Variants in ZNF236 observed in about 807,000 individuals in gnomAD.
The protein encoded by ZNF236 is regulated by glucose.
In ZNF236, 50 loss-of-function variants were observed where a neutral mutation model predicts 191.2. The ratio of observed to expected loss-of-function variants is 0.26; its 90% CI spans 0.21 to 0.33. The LOEUF is 0.33. Ranked by LOEUF, ZNF236 falls within the 10% of genes least tolerant of loss-of-function variation. The probability of loss-of-function intolerance (pLI) is 1.00; values close to 1 mark genes in which losing one functional copy is unlikely to be tolerated. For synonymous variants in ZNF236, 907 were observed against 928.8 expected, an observed-to-expected ratio of 0.98 and a Z score of 0.43; for missense variants, 1,754 against 2,374.5, an observed-to-expected ratio of 0.74 and a Z score of 5.43.
intron 1 of ZNF236, among the ~76,000 whole-genome samples, chr18:76,844,451 G>A (rs1975617793): frequency 1.3e-5 from 2 of 152,118 alleles, no homozygotes; most frequent in Admixed American, 1.3e-4. Context: ...GGTTCTGAGG[G>A]TGGTGCACAC....
At chr18:76,879,324 A>G (rs1336910570) in intron 7 of ZNF236, among the ~76,000 whole-genome samples, 3 of 152,234 alleles carry the variant, frequency 2.0e-5, no homozygotes, top group Non-Finnish European at 4.4e-5. Flanking sequence ...TTGGGCAGAA[A>G]GTACAGAGAG....
intron 3 of ZNF236, among the ~76,000 whole-genome samples, chr18:76,865,917 T>A (rs1248514271): frequency 1.3e-5 from 2 of 152,252 alleles, no homozygotes; most frequent in Non-Finnish European, 2.9e-5. Flanking sequence ...TTTTAAGTTT[T>A]ACTTTCAGAA....
chr18:76,877,394 G>T (rs894726008), intron 6 of ZNF236, among the ~76,000 whole-genome samples: 1 of 152,022 alleles, frequency 6.6e-6, no homozygotes, highest in Non-Finnish European at 1.5e-5. Flanking sequence ...TGTAATCCCA[G>T]CTACTTGGGA....
chr18:76,827,898 C>T (rs1243581707), intron 1 of ZNF236, among the ~76,000 whole-genome samples: 1 of 152,064 alleles, frequency 6.6e-6, no homozygotes, highest in East Asian at 1.9e-4. Flanking sequence ...TGTATGATTT[C>T]CATCTGTTTT....
At chr18:76,932,694 C>T (rs981532396) in intron 25 of ZNF236, among the ~76,000 whole-genome samples, 2 of 152,194 alleles carry the variant, frequency 1.3e-5, no homozygotes, top group African/African-American at 4.8e-5. Flanking sequence ...CCTGGAAACT[C>T]TGCTGAACAT....
At chr18:76,957,857 T>C (rs1968558153) in intron 28 of ZNF236, among the ~76,000 whole-genome samples, 1 of 152,240 alleles carries the variant, frequency 6.6e-6, no homozygotes, top group Non-Finnish European at 1.5e-5. Flanking sequence ...AATACCATTC[T>C]GGACAGAGGA....
chr18:76,865,254 T>A (rs557101226), intron 3 of ZNF236, among the ~76,000 whole-genome samples: 10 of 152,216 alleles, frequency 6.6e-5, no homozygotes, highest in African/African-American at 2.4e-4. Flanking sequence ...GGAGAATTGC[T>A]TGAACCTGGG....
At chr18:76,841,367 C>T (rs940314858) in intron 1 of ZNF236, among the ~76,000 whole-genome samples, 6 of 152,224 alleles carry the variant, frequency 3.9e-5, no homozygotes, top group Admixed American at 6.5e-5. Flanking sequence ...CCTCCGCGCC[C>T]GGCCAGGTGA....
At chr18:76,877,898 A>G in intron 6 of ZNF236, 111 bp from the exon 7 acceptor site, 1 of 863,052 alleles carries the variant, frequency 1.2e-6, no homozygotes, top group Non-Finnish European at 1.7e-6. Context: ...GAAGGGTTAG[A>G]TTATTTCTGT....
chr18:76,936,178 T>C (rs895433141), intron 25 of ZNF236: 1 of 447,150 alleles, frequency 2.2e-6, no homozygotes, highest in Non-Finnish European at 4.5e-6. Flanking sequence ...GAAACCTGGT[T>C]AGGCAATAGC....
intron 30 of ZNF236, among the ~76,000 whole-genome samples, chr18:76,966,949 T>G (rs1568251813): frequency 6.6e-6 from 1 of 152,242 alleles, no homozygotes; most frequent in Non-Finnish European, 1.5e-5. Flanking sequence ...TTTGCGGGTG[T>G]GATTTGATTG....
chr18:76,907,786 T>A (rs1967096768), intron 13 of ZNF236, among the ~76,000 whole-genome samples: 1 of 152,044 alleles, frequency 6.6e-6, no homozygotes, highest in Non-Finnish European at 1.5e-5. Context: ...TGATGAATGC[T>A]GGATACACTT....
intron 13 of ZNF236, among the ~76,000 whole-genome samples, chr18:76,906,429 G>A (rs181221998): frequency 8.1e-4 from 124 of 152,260 alleles, no homozygotes; most frequent in Non-Finnish European, 1.3e-3. Context: ...TGGGGAACTC[G>A]GGGGCACATG....
At position 76,960,584 on chromosome 18, in the gene ZNF236, G is replaced by A; in HGVS notation, c.5243-95G>A. 6.9e-7 allele frequency: 1 copy of A among 1,457,588 alleles called. No individual in the cohort carries two copies. 90.3% of individuals were successfully genotyped at this position (1,457,588 alleles called of 1,614,324 possible). On this transcript the variant is annotated intron_variant, in intron 29 of 30. Coordinates refer to ENST00000320610, the MANE Select transcript of ZNF236 (RefSeq NM_001306089.2). This position sits in a 1 kb window ranked among gnomAD's most constrained non-coding sequence, Gnocchi z 4.4. ...AGGCTGAAAGCCTAAAAGAAAAGAGGAACATTCAGTCCCTCTTGTTCATAC... is the reference window on the plus strand; with the variant it reads ...AGGCTGAAAGCCTAAAAGAAAAGAGAAACATTCAGTCCCTCTTGTTCATAC...
chr18:76,913,947 T>C (rs1193673102), intron 18 of ZNF236, 49 bp downstream of exon 18: 2 of 1,599,474 alleles, frequency 1.3e-6, no homozygotes, highest in African/African-American at 2.7e-5. Flanking sequence ...AGAAAAAAGC[T>C]TTATTGAGAT....
chr18:76,908,224 GTTAT>G, intron 13 of ZNF236, 92 bp from the exon 14 acceptor site: 3 of 1,433,386 alleles, frequency 2.1e-6, no homozygotes, highest in Non-Finnish European at 2.8e-6. Flanking sequence ...AATAAAAAAT[GTTAT>G]TTAATCAATG....
At chr18:76,865,321 G>C (rs1207588972) in intron 3 of ZNF236, among the ~76,000 whole-genome samples, 2 of 152,080 alleles carry the variant, frequency 1.3e-5, no homozygotes, top group East Asian at 3.9e-4. Context: ...TGGGCCACAA[G>C]AGTGAAACTC....
At chr18:76,929,224 A>G (rs748288853) in intron 25 of ZNF236, among the ~76,000 whole-genome samples, 1 of 152,026 alleles carries the variant, frequency 6.6e-6, no homozygotes, top group Non-Finnish European at 1.5e-5. Flanking sequence ...GAGAAATTTG[A>G]GGAACTGTTT....
At chr18:76,946,421 C>T (rs976357987) in intron 26 of ZNF236, among the ~76,000 whole-genome samples, 1 of 152,166 alleles carries the variant, frequency 6.6e-6, no homozygotes, top group Non-Finnish European at 1.5e-5. Context: ...AGCGTGAAAA[C>T]GGACTAATAT....
Sources: gnomAD v4.1 joint callset for allele counts (sites outside exome capture counted in the v4.1 genomes callset) on GRCh38, gnomAD v4.1.1 for gene constraint, Gnocchi (gnomAD v3.1) non-coding constraint, MANE v1.5 for transcripts, NCBI Gene and HGNC (gene_info 2026-07-23, HGNC 2026-07-21) for gene names.